The following RPS6KA5 variants were observed in gnomAD, a reference collection of about 807,000 sequenced individuals.
RPS6KA5 encodes the protein ribosomal protein S6 kinase alpha-5.
A neutral mutation model predicts 85.5 loss-of-function variants in RPS6KA5; 27 were observed. The observed-to-expected ratio is 0.32, with a 90% confidence interval of 0.23 to 0.44. The LOEUF (loss-of-function observed/expected upper bound fraction) is 0.44, where lower values mean the gene tolerates loss of function less well. RPS6KA5 is among the 20% of genes least tolerant of loss of function. The probability of loss-of-function intolerance (pLI) is 1.00; values close to 1 mark genes in which losing one functional copy is unlikely to be tolerated. For missense variants in RPS6KA5, 811 were observed against 980.9 expected, an observed-to-expected ratio of 0.83 and a Z score of 2.31; for synonymous variants, 334 against 348.2, an observed-to-expected ratio of 0.96 and a Z score of 0.46.
chr14:90,873,477 C>A (rs1283609909), intron 16 of RPS6KA5, among the ~76,000 whole-genome samples, 155 bp downstream of exon 16: 1 of 152,022 alleles, frequency 6.6e-6, no homozygotes, highest in Non-Finnish European at 1.5e-5. Flanking sequence ...GTGTTTATAA[C>A]CATGAAGCAA....
At chr14:90,909,365 T>C (rs923323743) in intron 7 of RPS6KA5, among the ~76,000 whole-genome samples, 5 of 152,182 alleles carry the variant, frequency 3.3e-5, no homozygotes, top group Admixed American at 3.3e-4. Flanking sequence ...TACAATTAGG[T>C]AGAGCCCAAA....
chr14:90,904,516 T>C (rs1480092380), intron 8 of RPS6KA5, among the ~76,000 whole-genome samples: 1 of 152,216 alleles, frequency 6.6e-6, no homozygotes, highest in Non-Finnish European at 1.5e-5. Flanking sequence ...CTCTTGACTT[T>C]CTAGTTAAGT....
chr14:91,032,211 G>A (rs2042213747), intron 1 of RPS6KA5, among the ~76,000 whole-genome samples: 2 of 152,106 alleles, frequency 1.3e-5, no homozygotes, highest in Admixed American at 1.3e-4. Flanking sequence ...ACCTACATTA[G>A]AAACTGTTTT....
Position 90,849,321 on chromosome 14 carries a change from A to G in RPS6KA5, c.*22753T>C, listed in dbSNP as rs890802552. ...TTTGGCCAGAGATGAACACGCACCCATATGTCTGAAGACAAAAGTTTTTTA... is the reference window on the plus strand; with the variant it reads ...TTTGGCCAGAGATGAACACGCACCCGTATGTCTGAAGACAAAAGTTTTTTA... On this transcript the variant is annotated 3_prime_UTR_variant, in exon 17 of 17. Coordinates refer to ENST00000614987, the MANE Select transcript of RPS6KA5 (RefSeq NM_004755.4). 1 of 152,212 alleles carries G rather than the reference A, an allele frequency of 6.6e-6. No homozygotes were observed. Among genetic ancestry groups the G allele is most frequent in the Non-Finnish European group, 1.5e-5 (1 of 68,026 alleles). The allele number at this position is 152,212 out of a possible 1,614,324, so 9.4% of individuals were successfully genotyped here.
At chr14:90,989,114 G>A (rs1412441809) in intron 2 of RPS6KA5, among the ~76,000 whole-genome samples, 1 of 151,564 alleles carries the variant, frequency 6.6e-6, no homozygotes, top group Non-Finnish European at 1.5e-5. Flanking sequence ...GCTTTACAAT[G>A]GAGTTCCCTG....
rs1033179487 is a variant in RPS6KA5, at chr14:90,864,608, A to C, written c.*7466T>G. 6.6e-6 allele frequency: 1 copy of C among 152,244 alleles called. No individual in the cohort carries two copies. The highest frequency in any genetic ancestry group is 1.5e-5 in the Non-Finnish European group (1 of 68,038). 9.4% of individuals were successfully genotyped at this position (152,244 alleles called of 1,614,324 possible). ...TAGAAAGTAGAAAAGCAAACTAAAG[A>C]GAAGACATTTATGGTAAAATATCAG... On this transcript the variant is annotated 3_prime_UTR_variant, in exon 17 of 17. Transcript: ENST00000614987.
intron 5 of RPS6KA5, among the ~76,000 whole-genome samples, chr14:90,934,375 T>A (rs2037151092): frequency 6.6e-6 from 1 of 152,352 alleles, no homozygotes; most frequent in Middle Eastern, 3.4e-3. Flanking sequence ...TATAAACATT[T>A]ATTATTCACA....
Position 90,867,365 on chromosome 14 carries a change from G to A in RPS6KA5, c.*4709C>T, listed in dbSNP as rs1173387049. ...TTTTTTTTTAGTAAAGGGGCAAATT[G>A]TATACCAACATATAAATTAAAAGTG... is the stretch of plus-strand genomic sequence containing the variant. On this transcript the variant is annotated 3_prime_UTR_variant, in exon 17 of 17. Transcript: ENST00000614987. 1.3e-5 allele frequency: 2 copies of A among 151,804 alleles called. No homozygotes were observed. Among genetic ancestry groups the A allele is most frequent in the African/African-American group, 4.8e-5 (2 of 41,302 alleles). 9.4% of individuals were successfully genotyped at this position (151,804 alleles called of 1,614,324 possible).
chr14:91,013,889 C>T (rs971691612), intron 1 of RPS6KA5, among the ~76,000 whole-genome samples: 14 of 152,100 alleles, frequency 9.2e-5, no homozygotes, highest in East Asian at 5.8e-4. Flanking sequence ...GGGAGGAAGA[C>T]GTAAATTCCT....
At chr14:90,885,252 CAA>C (rs997481800) in intron 14 of RPS6KA5, among the ~76,000 whole-genome samples, 35 of 101,740 alleles carry the variant, frequency 3.4e-4, no homozygotes, top group Admixed American at 3.2e-4. Context: ...GATCTTGTCT[CAA>C]AAAAAAAAAA....
chr14:90,947,568 T>G lies in RPS6KA5; in HGVS notation c.395-18A>C. On this transcript the variant is annotated intron_variant, in intron 3 of 16. Coordinates refer to ENST00000614987, the MANE Select transcript of RPS6KA5 (RefSeq NM_004755.4). ...TATATAATCTAAAAATGAAATACAT[T>G]TTTCTTTCTTAAACATGCATTCATA... 1 of 1,436,144 alleles carries G rather than the reference T, an allele frequency of 7.0e-7. No homozygotes were observed. Among genetic ancestry groups the G allele is most frequent in the Non-Finnish European group, 9.8e-7 (1 of 1,022,144 alleles). The allele number at this position is 1,436,144 out of a possible 1,614,324, so 89.0% of individuals were successfully genotyped here. A position where few individuals can be genotyped will look rare whatever the true frequency, so the allele number is the denominator to read the frequency against.
rs2032114101 is a variant in RPS6KA5, at chr14:90,853,511, G to C, written c.*18563C>G. ...AAAAAAAACCCAAAAACAAAACAAA[G>C]CATCAATGGATGTTTTAAATACCTA... On this transcript the variant is annotated 3_prime_UTR_variant, in exon 17 of 17. Transcript: ENST00000614987. 6.6e-6 allele frequency: 1 copy of C among 151,068 alleles called. No individual in the cohort carries two copies. Among genetic ancestry groups the C allele is most frequent in the Admixed American group, 6.6e-5 (1 of 15,184 alleles). 9.4% of individuals were successfully genotyped at this position (151,068 alleles called of 1,614,324 possible). A position where few individuals can be genotyped will look rare whatever the true frequency, so the allele number is the denominator to read the frequency against.
In RPS6KA5 at chr14:90,906,248, C is replaced by G; in HGVS notation, c.858G>C (p.Ala286=). The G allele has an allele frequency of 6.2e-7, 1 of 1,611,972 alleles. No homozygotes were observed. Among genetic ancestry groups the G allele is most frequent in the Non-Finnish European group, 8.5e-7 (1 of 1,178,576 alleles). ...TCAAAAGACGCTGAATTAGGTCTTTCGCTAAAGCACTCATTTCTTGGGGAT... is the reference window on the plus strand; with the variant it reads ...TCAAAAGACGCTGAATTAGGTCTTTGGCTAAAGCACTCATTTCTTGGGGAT... ...PPYPQEMSAL[A]KDLIQRLLMK... Residue 286 remains alanine, a synonymous_variant, in exon 8 of 17, where the codon GCG becomes GCC. Transcript: ENST00000614987.
intron 2 of RPS6KA5, among the ~76,000 whole-genome samples, chr14:90,981,923 C>T (rs1298268075): frequency 1.3e-5 from 2 of 152,204 alleles, no homozygotes; most frequent in Non-Finnish European, 2.9e-5. Context: ...AGCTGTTTAT[C>T]ACATTGCCAA....
intron 14 of RPS6KA5, 139 bp from the exon 15 acceptor site, chr14:90,875,499 C>T: frequency 1.4e-6 from 1 of 734,330 alleles, no homozygotes. Context: ...TTACGTGATT[C>T]CTCAGGGATC....
rs2033105960 is a variant in RPS6KA5, at chr14:90,871,457, A to G, written c.*617T>C. 6.6e-6 allele frequency: 1 copy of G among 152,262 alleles called. No individual in the cohort carries two copies. The highest frequency in any genetic ancestry group is 2.4e-5 in the African/African-American group (1 of 41,402). 9.4% of individuals were successfully genotyped at this position (152,262 alleles called of 1,614,324 possible). A position where few individuals can be genotyped will look rare whatever the true frequency, so the allele number is the denominator to read the frequency against. The stretch of plus-strand genomic sequence containing the variant: ...AGCATGCATCTCAGATGGATCCCGA[A>G]TACAGAGTATGGGACCTTGAGTTCT... On this transcript the variant is annotated 3_prime_UTR_variant, in exon 17 of 17. Coordinates refer to ENST00000614987, the MANE Select transcript of RPS6KA5 (RefSeq NM_004755.4).
chr14:90,961,405 C>T (rs2038788636), intron 3 of RPS6KA5, among the ~76,000 whole-genome samples: 1 of 152,108 alleles, frequency 6.6e-6, no homozygotes, highest in South Asian at 2.1e-4. Flanking sequence ...CTGCTCTTTT[C>T]CCCTTTCCAA....
At chr14:91,049,830 T>C (rs1395596277) in intron 1 of RPS6KA5, among the ~76,000 whole-genome samples, 4 of 152,232 alleles carry the variant, frequency 2.6e-5, no homozygotes, top group Non-Finnish European at 5.9e-5. Context: ...TAGCCTATTG[T>C]TCCAAGGCTA....
intron 5 of RPS6KA5, among the ~76,000 whole-genome samples, chr14:90,923,659 A>C (rs1286703076): frequency 1.3e-5 from 2 of 152,186 alleles, no homozygotes; most frequent in Non-Finnish European, 2.9e-5. Flanking sequence ...GGGGTAGGAA[A>C]GACCAAATTC....
Sources: allele counts gnomAD v4.1 joint callset (sites outside exome capture counted in the v4.1 genomes callset), GRCh38; gene constraint gnomAD v4.1.1; transcripts MANE v1.5; gene names NCBI Gene and HGNC (gene_info 2026-07-23, HGNC 2026-07-21).